Variants in PDE9A observed in about 807,000 individuals in gnomAD.
PDE9A encodes phosphodiesterase 9A.
A neutral mutation model predicts 87.4 loss-of-function variants in PDE9A; 60 were observed. That is an observed-to-expected ratio of 0.69 (90% CI 0.56 to 0.85). The LOEUF (loss-of-function observed/expected upper bound fraction) is 0.85. Ranked by LOEUF, PDE9A falls within the 40% of genes least tolerant of loss-of-function variation. The probability of loss-of-function intolerance (pLI) is 0.00; values close to 1 mark genes in which losing one functional copy is unlikely to be tolerated. For synonymous variants in PDE9A, 272 were observed against 279.4 expected, an observed-to-expected ratio of 0.97 and a Z score of 0.27; for missense variants, 665 against 779.0, an observed-to-expected ratio of 0.85 and a Z score of 1.74.
At chr21:42,699,825 C>T (rs890511072) in intron 4 of PDE9A, among the ~76,000 whole-genome samples, 2 of 152,168 alleles carry the variant, frequency 1.3e-5, no homozygotes, top group African/African-American at 4.8e-5. Context: ...TCCCAAAGTG[C>T]TAGGATTACA....
At chr21:42,754,196 A>AC (rs1405214636) in intron 10 of PDE9A, 132 bp downstream of exon 10, 5 of 611,490 alleles carry the variant, frequency 8.2e-6, no homozygotes, top group African/African-American at 3.8e-5. Flanking sequence ...GAAAAAAAAA[A>AC]ACAAAACTTG....
chr21:42,699,412 A>C (rs1311643533), intron 4 of PDE9A, among the ~76,000 whole-genome samples: 7 of 152,208 alleles, frequency 4.6e-5, no homozygotes, highest in African/African-American at 1.7e-4. Context: ...GCAGGGCGGC[A>C]TCCACTCTGG....
chr21:42,725,577 G>A (rs8127448), intron 4 of PDE9A, among the ~76,000 whole-genome samples: 42 of 152,088 alleles, frequency 2.8e-4, no homozygotes, highest in Non-Finnish European at 4.7e-4. Context: ...ATTCTGTAAC[G>A]TTCTACACAT....
rs2048794229 is a variant in PDE9A, at chr21:42,705,959, C to T, written c.262+6948C>T. On this transcript the variant is annotated intron_variant, in intron 4 of 19. Transcript: ENST00000291539. This position sits in a 1 kb window ranked among gnomAD's most constrained non-coding sequence, Gnocchi z 4.3. ...TTCCAGTTCCCAGCAGCTTTATTGG[C>T]GTTGCTGTTTCCATAGAAGGACAAT... Among the ~76,000 whole-genome samples, 1 of 152,196 alleles carries T rather than the reference C, an allele frequency of 6.6e-6. No individual in the cohort carries two copies. Among genetic ancestry groups the T allele is most frequent in the East Asian group, 1.9e-4 (1 of 5,180 alleles).
At chr21:42,752,955 A>G (rs1487999203) in intron 9 of PDE9A, among the ~76,000 whole-genome samples, 1 of 152,206 alleles carries the variant, frequency 6.6e-6, no homozygotes, top group Non-Finnish European at 1.5e-5. Flanking sequence ...CTTAGGTGGT[A>G]TCTGAATTTA....
chr21:42,716,703 T>C (rs895206711), intron 4 of PDE9A, among the ~76,000 whole-genome samples: 1 of 151,354 alleles, frequency 6.6e-6, no homozygotes, highest in African/African-American at 2.4e-5. Context: ...ATATGTTTTA[T>C]ATCTGCATAC....
intron 7 of PDE9A, among the ~76,000 whole-genome samples, chr21:42,736,034 C>T (rs1176077782): frequency 2.0e-5 from 3 of 152,078 alleles, no homozygotes; most frequent in Admixed American, 6.6e-5. Flanking sequence ...GCAGTCACTA[C>T]GGGGCGAGTG....
chr21:42,741,837 T>C (rs1166705562), intron 7 of PDE9A: 1 of 152,206 alleles, frequency 6.6e-6, no homozygotes, highest in Non-Finnish European at 1.5e-5. Context: ...AGGCTCTGAG[T>C]TGCTTGGTTT....
chr21:42,686,056 T>A (rs2059442697), intron 1 of PDE9A, 136 bp from the exon 2 acceptor site: 2 of 634,544 alleles, frequency 3.2e-6, no homozygotes, highest in Admixed American at 2.6e-5. Context: ...CCTGTGACAT[T>A]CCCGTGCGTA....
chr21:42,669,568 G>C (rs2058266466), intron 1 of PDE9A, among the ~76,000 whole-genome samples: 1 of 152,210 alleles, frequency 6.6e-6, no homozygotes, highest in Admixed American at 6.5e-5. Context: ...ATGCTTCGGA[G>C]CCTCGGCGTC....
chr21:42,738,434 G>C (rs562736624), intron 7 of PDE9A, among the ~76,000 whole-genome samples: 1 of 152,174 alleles, frequency 6.6e-6, no homozygotes, highest in Non-Finnish European at 1.5e-5. Flanking sequence ...CCGGCCTCTT[G>C]CTGGAGCACA....
intron 1 of PDE9A, among the ~76,000 whole-genome samples, chr21:42,658,453 T>C (rs895462784): frequency 1.2e-4 from 19 of 152,212 alleles, no homozygotes; most frequent in African/African-American, 1.9e-4. Flanking sequence ...CCTTGTCTGG[T>C]GTGGTTAGCA....
intron 1 of PDE9A, among the ~76,000 whole-genome samples, chr21:42,658,007 G>A (rs373427896): frequency 2.0e-4 from 30 of 152,372 alleles, no homozygotes; most frequent in African/African-American, 5.5e-4. Context: ...TCAAGCGTCC[G>A]CAGAAGTCGG....
intron 3 of PDE9A, among the ~76,000 whole-genome samples, chr21:42,698,517 C>T (rs1303958121): frequency 6.6e-6 from 1 of 152,132 alleles, no homozygotes; most frequent in African/African-American, 2.4e-5. Context: ...GGGTTGACAT[C>T]ACAGAGATCC....
intron 9 of PDE9A, among the ~76,000 whole-genome samples, chr21:42,752,897 G>A (rs964120215): frequency 2.0e-5 from 3 of 152,154 alleles, no homozygotes; most frequent in East Asian, 1.9e-4. Context: ...TCTAGCTCTC[G>A]GCAGAAACCA....
intron 1 of PDE9A, among the ~76,000 whole-genome samples, chr21:42,671,596 GTAAATTGCAGA>G (rs2058566081): frequency 6.6e-6 from 1 of 152,196 alleles, no homozygotes; most frequent in South Asian, 2.1e-4. Flanking sequence ...GTAACTAGAG[GTAAATTGCAGA>G]TGAATTGCAG....
chr21:42,663,079 TCA>T (rs911456618), intron 1 of PDE9A, among the ~76,000 whole-genome samples: 10 of 121,804 alleles, frequency 8.2e-5, no homozygotes, highest in Admixed American at 6.7e-4. Context: ...CACATGCACA[TCA>T]CACACAAGAA....
chr21:42,718,554 G>T (rs1164272276), intron 4 of PDE9A, among the ~76,000 whole-genome samples: 3 of 151,388 alleles, frequency 2.0e-5, no homozygotes, highest in Non-Finnish European at 4.4e-5. Context: ...CCAGACTTCT[G>T]TAAGTTGATC....
In PDE9A at chr21:42,653,897, C is replaced by G. The variant is rs1273127800; in HGVS notation, c.69+14C>G. ...CGCATTCAGAAGGTAGCCCCTCCCC[C>G]ACCCAGACACCCCCTCCTCCCCCCG... On this transcript the variant is annotated intron_variant, in intron 1 of 19. Transcript: ENST00000291539. 2.8e-6 allele frequency: 4 copies of G among 1,453,260 alleles called. No individual in the cohort carries two copies. The highest frequency in any genetic ancestry group is 2.0e-5 in the Admixed American group (1 of 51,052). The allele number at this position is 1,453,260 out of a possible 1,614,324, so 90.0% of individuals were successfully genotyped here. A position where few individuals can be genotyped will look rare whatever the true frequency, so the allele number is the denominator to read the frequency against.
Sources: gnomAD v4.1 joint callset for allele counts (sites outside exome capture counted in the v4.1 genomes callset) on GRCh38, gnomAD v4.1.1 for gene constraint, Gnocchi (gnomAD v3.1) non-coding constraint, MANE v1.5 for transcripts, NCBI Gene and HGNC (gene_info 2026-07-23, HGNC 2026-07-21) for gene names.